SAMD5: variants seen among roughly 807,000 people sequenced by gnomAD.
SAMD5 encodes the protein sterile alpha motif domain-containing protein 5.
Under a neutral mutation model 11.3 loss-of-function variants are expected in SAMD5, and 13 were observed. That is an observed-to-expected ratio of 1.15 (90% CI 0.75 to 1.83). The LOEUF is 1.83. Among genes scored for constraint, SAMD5 ranks in the 40% most tolerant of loss-of-function variants. SAMD5 has a pLI of 0.00. For missense variants in SAMD5, 255 were observed against 239.1 expected, an observed-to-expected ratio of 1.07 and a Z score of -0.44; for synonymous variants, 129 against 111.3, an observed-to-expected ratio of 1.16 and a Z score of -1.00.
the SAMD5 span, among the ~76,000 whole-genome samples, chr6:147,809,723 C>G: frequency 6.6e-6 from 1 of 152,178 alleles, no homozygotes; most frequent in Admixed American, 6.5e-5. Context: ...TTTCAACACC[C>G]TAAGTCTGTA....
intron 1 of SAMD5, among the ~76,000 whole-genome samples, chr6:147,589,305 G>A (rs1269948735): frequency 6.6e-6 from 1 of 152,072 alleles, no homozygotes; most frequent in African/African-American, 2.4e-5. Flanking sequence ...CAAAAGTTTA[G>A]ACAGTAATTT....
At chr6:147,683,397 A>G (rs1413214815) in intron 1 of SAMD5, among the ~76,000 whole-genome samples, 1 of 152,168 alleles carries the variant, frequency 6.6e-6, no homozygotes, top group Non-Finnish European at 1.5e-5. Flanking sequence ...ATCTCTGTCT[A>G]TTGGTATTTA....
chr6:147,617,490 C>A (rs912188982), intron 1 of SAMD5, among the ~76,000 whole-genome samples: 1 of 152,240 alleles, frequency 6.6e-6, no homozygotes, highest in Non-Finnish European at 1.5e-5. Flanking sequence ...GTGGCATACT[C>A]TTGAATCTAA....
chr6:147,529,855 A>G (rs718868), intron 1 of SAMD5, among the ~76,000 whole-genome samples: 99,108 of 152,094 alleles, frequency 0.65, 32,642 homozygotes, highest in East Asian at 0.79. Context: ...TGTCATTAAA[A>G]CAGTTATTTC....
chr6:147,712,486 A>G (rs1252336232), intron 1 of SAMD5, among the ~76,000 whole-genome samples: 1 of 152,118 alleles, frequency 6.6e-6, no homozygotes, highest in Non-Finnish European at 1.5e-5. Flanking sequence ...CGCTCCACTC[A>G]TGTTATGGGC....
At chr6:147,616,250 T>G (rs182767144) in intron 1 of SAMD5, among the ~76,000 whole-genome samples, 1 of 105,462 alleles carries the variant, frequency 9.5e-6, no homozygotes, top group African/African-American at 8.1e-5. Flanking sequence ...TCATATATAT[T>G]TATTCATATA....
chr6:147,592,462 G>C (rs149771677), intron 1 of SAMD5, among the ~76,000 whole-genome samples: 5 of 152,132 alleles, frequency 3.3e-5, no homozygotes, highest in Non-Finnish European at 4.4e-5. Flanking sequence ...AGGAAGAGGG[G>C]CATCTTGGTT....
At chr6:147,736,741 C>T (rs1012138717) in intron 1 of SAMD5, among the ~76,000 whole-genome samples, 12 of 152,090 alleles carry the variant, frequency 7.9e-5, no homozygotes, top group South Asian at 2.1e-4. Context: ...TATTCAAAAA[C>T]GAATCTTTAA....
rs1286571867 is a variant in SAMD5 at position 147,565,076 on chromosome 6, A to G, written c.*620A>G. The stretch of plus-strand genomic sequence containing the variant: ...AGGTGATGAATTAAGGAACATCACC[A>G]AGAGAGGACAATTTCTTCTAACTTC... On this transcript the variant is annotated 3_prime_UTR_variant, in exon 2 of 2. Transcript: ENST00000367474. The G allele has an allele frequency of 5.1e-6, 5 of 983,292 alleles. No individual in the cohort carries two copies. The East Asian group carries it at 3.4e-4, about 67-fold the overall frequency. The allele number at this position is 983,292 out of a possible 1,614,324, so 60.9% of individuals were successfully genotyped here.
chr6:147,910,567 T>A, the SAMD5 span, among the ~76,000 whole-genome samples: 1 of 152,120 alleles, frequency 6.6e-6, no homozygotes, highest in Non-Finnish European at 1.5e-5. Flanking sequence ...GCTCATGTTG[T>A]TTGATCTAAA....
chr6:147,835,625 C>T, the SAMD5 span, among the ~76,000 whole-genome samples: 1 of 152,132 alleles, frequency 6.6e-6, no homozygotes, highest in Non-Finnish European at 1.5e-5. Flanking sequence ...GACCATTCCT[C>T]GACTTTCCAA....
the SAMD5 span, among the ~76,000 whole-genome samples, chr6:147,887,850 T>C: frequency 1.3e-5 from 2 of 152,252 alleles, no homozygotes; most frequent in Non-Finnish European, 2.9e-5. Context: ...GTCTTTTTAG[T>C]TGTAGCCATT....
At chr6:147,737,672 CTTTTTTT>C (rs10544345), downstream of SAMD5, 64 of 49,246 alleles carry the variant, frequency 1.3e-3, no homozygotes, top group Admixed American at 3.0e-3. Flanking sequence ...AGATTGAGGG[CTTTTTTT>C]TTTTTTTTTT....
At chr6:147,810,835 A>G in the SAMD5 span, among the ~76,000 whole-genome samples, 1 of 152,352 alleles carries the variant, frequency 6.6e-6, no homozygotes, top group Non-Finnish European at 1.5e-5. Context: ...TTCAATAGAC[A>G]TCATTGGAGT....
chr6:147,534,712 T>G (rs140389527), intron 1 of SAMD5, among the ~76,000 whole-genome samples: 2,568 of 152,248 alleles, frequency 0.017, 53 homozygotes, highest in South Asian at 0.065. Flanking sequence ...ATCTGGTTGG[T>G]GCCAGCTGAT....
intron 1 of SAMD5, among the ~76,000 whole-genome samples, chr6:147,621,791 G>T (rs1426697385): frequency 1.3e-5 from 2 of 152,106 alleles, no homozygotes; most frequent in Non-Finnish European, 2.9e-5. Flanking sequence ...GACCGTGAAG[G>T]GGAGGCCAAG....
intron 1 of SAMD5, among the ~76,000 whole-genome samples, chr6:147,620,724 G>A (rs968440696): frequency 1.3e-5 from 2 of 152,204 alleles, no homozygotes; most frequent in Non-Finnish European, 2.9e-5. Flanking sequence ...GCCTCTGCTG[G>A]AAGGACGTGG....
intron 1 of SAMD5, among the ~76,000 whole-genome samples, chr6:147,564,176 T>A (rs1231372346): frequency 6.6e-6 from 1 of 152,170 alleles, no homozygotes; most frequent in Non-Finnish European, 1.5e-5. Context: ...AAACAAAATA[T>A]AGGCTTGACA....
chr6:147,684,197 A>G (rs1190090622), intron 1 of SAMD5, among the ~76,000 whole-genome samples: 3 of 152,224 alleles, frequency 2.0e-5, no homozygotes, highest in East Asian at 3.9e-4. Context: ...GTGGATTTCA[A>G]TGGTCTGTAT....
Sources: allele counts gnomAD v4.1 joint callset (sites outside exome capture counted in the v4.1 genomes callset), GRCh38; gene constraint gnomAD v4.1.1; transcripts MANE v1.5; gene names NCBI Gene and HGNC (gene_info 2026-07-23, HGNC 2026-07-21).